RABGAP1L: variants seen among roughly 807,000 people sequenced by gnomAD.
RABGAP1L encodes the protein rab GTPase-activating protein 1-like.
In RABGAP1L, 63 loss-of-function variants were observed where a neutral mutation model predicts 137.7. That is an observed-to-expected ratio of 0.46 (90% CI 0.37 to 0.56). RABGAP1L has a LOEUF of 0.56. RABGAP1L is among the 20% of genes least tolerant of loss of function. The pLI is 0.00. For synonymous variants in RABGAP1L, 431 were observed against 433.7 expected (o/e 0.99, Z 0.08); for missense variants, 1,095 against 1,244.0 (o/e 0.88, Z 1.80).
intron 13 of RABGAP1L, among the ~76,000 whole-genome samples, chr1:174,634,185 C>G (rs1202220114): frequency 7.2e-6 from 1 of 139,464 alleles, no homozygotes; most frequent in Non-Finnish European, 1.5e-5. Context: ...AACAAATTTA[C>G]AAGAAAAAAA....
chr1:174,930,330 CTT>C (rs893570655), intron 19 of RABGAP1L, among the ~76,000 whole-genome samples: 27 of 139,316 alleles, frequency 1.9e-4, no homozygotes, highest in East Asian at 4.2e-4. Flanking sequence ...GATCAAACTT[CTT>C]TTTTTTTTTT....
At chr1:174,653,482 T>C (rs1166664360) in intron 14 of RABGAP1L, among the ~76,000 whole-genome samples, 1 of 152,178 alleles carries the variant, frequency 6.6e-6, no homozygotes, top group East Asian at 1.9e-4. Flanking sequence ...GTGTCATATC[T>C]GGGCCAGATT....
At chr1:174,890,671 A>T (rs1655980385) in intron 19 of RABGAP1L, among the ~76,000 whole-genome samples, 1 of 152,166 alleles carries the variant, frequency 6.6e-6, no homozygotes, top group African/African-American at 2.4e-5. Context: ...GTATCCTTCT[A>T]TAAATATTTT....
intron 3 of RABGAP1L, among the ~76,000 whole-genome samples, chr1:174,228,758 A>G (rs778008536): frequency 7.2e-5 from 11 of 152,144 alleles, no homozygotes; most frequent in Non-Finnish European, 1.2e-4. Context: ...GCTTTTGTGA[A>G]TTATTTATTA....
chr1:174,754,105 A>C (rs571739714), intron 18 of RABGAP1L, among the ~76,000 whole-genome samples: 2 of 152,198 alleles, frequency 1.3e-5, no homozygotes, highest in African/African-American at 4.8e-5. Flanking sequence ...TCTACAGAGG[A>C]CATACTCTGG....
intron 13 of RABGAP1L, among the ~76,000 whole-genome samples, chr1:174,483,530 T>C (rs1216842977): frequency 6.6e-6 from 1 of 152,206 alleles, no homozygotes; most frequent in Non-Finnish European, 1.5e-5. Context: ...TATTTATTCA[T>C]TCATCTGTCG....
At chr1:174,681,181 C>T (rs1423188355) in intron 14 of RABGAP1L, among the ~76,000 whole-genome samples, 1 of 152,140 alleles carries the variant, frequency 6.6e-6, no homozygotes, top group Admixed American at 6.5e-5. Context: ...GATAAACTTA[C>T]ATTTAACATT....
chr1:174,180,563 C>T (rs1666271236), intron 1 of RABGAP1L, among the ~76,000 whole-genome samples: 1 of 152,108 alleles, frequency 6.6e-6, no homozygotes, highest in South Asian at 2.1e-4. Flanking sequence ...CTCCTGGGCT[C>T]AAGGGATCTT....
Position 174,951,165 on chromosome 1 carries a change from CTG to C in RABGAP1L, c.2341-6290_2341-6289del, listed in dbSNP as rs150769410. ...TCATCTTTGTACCTTTTATAAATAT[CTG>C]TTATTGCGCTTATGAAACTAGATGA... On this transcript the variant is annotated intron_variant, in intron 19 of 25. Transcript: ENST00000681986. Among the ~76,000 whole-genome samples the C allele has an allele frequency of 5.4e-3, 815 of 152,312 alleles. 9 individuals are homozygous for C. Among genetic ancestry groups the C allele is most frequent in the African/African-American group, 0.019 (770 of 41,550 alleles).
At chr1:174,239,860 C>T (rs552524642) in intron 4 of RABGAP1L, among the ~76,000 whole-genome samples, 158 of 152,278 alleles carry the variant, frequency 1.0e-3, no homozygotes, top group South Asian at 2.5e-3. Flanking sequence ...TCTGATTTGC[C>T]TCATTCTCTA....
At chr1:174,271,312 C>G (rs1015756053) in intron 7 of RABGAP1L, among the ~76,000 whole-genome samples, 2 of 152,078 alleles carry the variant, frequency 1.3e-5, no homozygotes, top group African/African-American at 4.8e-5. Context: ...GACCAGTGAT[C>G]TTGCTCATGT....
intron 14 of RABGAP1L, among the ~76,000 whole-genome samples, chr1:174,673,416 A>G (rs1235964030): frequency 6.6e-5 from 10 of 152,150 alleles, no homozygotes; most frequent in African/African-American, 4.8e-5. Context: ...TCTATTTACT[A>G]AAAGATCTGA....
chr1:174,659,531 G>C (rs1676216584), intron 14 of RABGAP1L, among the ~76,000 whole-genome samples: 1 of 152,030 alleles, frequency 6.6e-6, no homozygotes, highest in Non-Finnish European at 1.5e-5. Context: ...TTTTGCTCAT[G>C]CTTTCTCTTT....
At chr1:174,273,521 T>A (rs912909120) in intron 8 of RABGAP1L, among the ~76,000 whole-genome samples, 3 of 151,994 alleles carry the variant, frequency 2.0e-5, no homozygotes, top group Non-Finnish European at 4.4e-5. Context: ...AAAACATAAA[T>A]TAGCTATTGA....
At chr1:174,403,226 TG>T (rs1374050266) in intron 13 of RABGAP1L, among the ~76,000 whole-genome samples, 5 of 126,538 alleles carry the variant, frequency 4.0e-5, no homozygotes, top group Admixed American at 7.6e-5. Flanking sequence ...TGTGTGTGTG[TG>T]TGTGTGTGTG....
chr1:174,601,527 A>C (rs867009151), intron 13 of RABGAP1L, among the ~76,000 whole-genome samples: 1 of 152,174 alleles, frequency 6.6e-6, no homozygotes, highest in Non-Finnish European at 1.5e-5. Context: ...GGATAGCATT[A>C]GGAGAAATAC....
At chr1:174,791,707 C>G (rs964283863) in intron 18 of RABGAP1L, among the ~76,000 whole-genome samples, 1 of 152,244 alleles carries the variant, frequency 6.6e-6, no homozygotes, top group African/African-American at 2.4e-5. Context: ...ATTCCATTTT[C>G]AAGCCTGTGC....
chr1:174,606,714 C>G (rs949523356), intron 13 of RABGAP1L, among the ~76,000 whole-genome samples: 1 of 152,178 alleles, frequency 6.6e-6, no homozygotes, highest in African/African-American at 2.4e-5. Context: ...GCCTCACAGG[C>G]TTAGTATTCT....
intron 18 of RABGAP1L, among the ~76,000 whole-genome samples, chr1:174,808,831 AT>A (rs1689593815): frequency 6.6e-6 from 1 of 151,346 alleles, no homozygotes; most frequent in Non-Finnish European, 1.5e-5. Flanking sequence ...TTTTTTTTAT[AT>A]TTTTAGTAGA....
Sources: allele counts gnomAD v4.1 joint callset (sites outside exome capture counted in the v4.1 genomes callset), GRCh38; gene constraint gnomAD v4.1.1; transcripts MANE v1.5; gene names NCBI Gene and HGNC (gene_info 2026-07-23, HGNC 2026-07-21).